The following SYT1 variants were observed in gnomAD, a reference collection of about 807,000 sequenced individuals.
SYT1 encodes synaptotagmin-1.
Under a neutral mutation model 44.8 loss-of-function variants are expected in SYT1, and 8 were observed. The observed-to-expected ratio is 0.18, with a 90% CI of 0.10 to 0.32. The LOEUF is 0.32. SYT1 is among the 10% of genes least tolerant of loss of function. The pLI, the probability that SYT1 is intolerant of heterozygous loss-of-function variation, is 1.00. For synonymous variants in SYT1, 154 were observed against 188.8 expected (o/e 0.82, Z 1.51); for missense variants, 286 against 509.3 (o/e 0.56, Z 4.22).
intron 9 of SYT1, among the ~76,000 whole-genome samples, chr12:79,390,263 T>TATTGA (rs1444861616): frequency 2.2e-4 from 33 of 152,330 alleles, no homozygotes; most frequent in Admixed American, 1.6e-3. Context: ...TACTGTGCTG[T>TATTGA]ATTGAATTAC....
chr12:79,108,798 G>A (rs1471433880), intron 3 of SYT1, among the ~76,000 whole-genome samples: 3 of 152,122 alleles, frequency 2.0e-5, no homozygotes, highest in Non-Finnish European at 4.4e-5. Flanking sequence ...TTATTTATGA[G>A]TACTGAACAT....
chr12:79,231,641 A>G (rs558177229), intron 4 of SYT1, among the ~76,000 whole-genome samples: 104 of 152,326 alleles, frequency 6.8e-4, no homozygotes, highest in African/African-American at 2.4e-3. Flanking sequence ...TGATTTAGTC[A>G]TATTGTTCAA....
intron 3 of SYT1, among the ~76,000 whole-genome samples, chr12:79,080,361 A>AT (rs1876948520): frequency 6.6e-6 from 1 of 152,136 alleles, no homozygotes; most frequent in South Asian, 2.1e-4. Context: ...TGAGCATTTC[A>AT]TTTTTTATCT....
At chr12:79,124,664 C>A (rs920400343) in intron 3 of SYT1, among the ~76,000 whole-genome samples, 5 of 151,784 alleles carry the variant, frequency 3.3e-5, no homozygotes, top group Admixed American at 3.3e-4. Context: ...CTGATACATT[C>A]TTAGATTCTT....
rs1252858757 is a variant in SYT1, at chr12:79,355,749, C to G, written c.928+2130C>G. Among the ~76,000 whole-genome samples, 3 of 152,168 alleles carry G rather than the reference C, an allele frequency of 2.0e-5. No individual in the cohort carries two copies. In the East Asian group the frequency reaches 5.8e-4, roughly 29 times the overall value. On this transcript the variant is annotated intron_variant, in intron 9 of 10. Transcript: ENST00000261205. ...TCTCTTCCTTCCAACAATGTCTAGCCAATTCCTACCCATTCTTTAGGCCCA... is the reference window on the plus strand; with the variant it reads ...TCTCTTCCTTCCAACAATGTCTAGCGAATTCCTACCCATTCTTTAGGCCCA...
At chr12:78,996,419 C>G (rs1052741831) in intron 2 of SYT1, among the ~76,000 whole-genome samples, 2 of 152,126 alleles carry the variant, frequency 1.3e-5, no homozygotes, top group African/African-American at 4.8e-5. Context: ...TATATTGAGA[C>G]AAAGTTAGAG....
At chr12:79,001,672 T>C (rs1374963026) in intron 2 of SYT1, among the ~76,000 whole-genome samples, 1 of 152,198 alleles carries the variant, frequency 6.6e-6, no homozygotes, top group Admixed American at 6.5e-5. Flanking sequence ...ATACTACCAA[T>C]TTATTTTCTG....
At chr12:79,018,191 G>T (rs1871936372) in intron 2 of SYT1, among the ~76,000 whole-genome samples, 1 of 151,808 alleles carries the variant, frequency 6.6e-6, no homozygotes, top group South Asian at 2.1e-4. Flanking sequence ...CATGTCCTTT[G>T]TAGGGACATG....
intron 3 of SYT1, among the ~76,000 whole-genome samples, chr12:79,157,811 A>G (rs1457773462): frequency 1.3e-5 from 2 of 152,164 alleles, no homozygotes; most frequent in Admixed American, 1.3e-4. Flanking sequence ...AATTCTCCCA[A>G]CAACTTTTCA....
chr12:79,200,724 G>T (rs1475916788), intron 3 of SYT1, among the ~76,000 whole-genome samples: 1 of 152,084 alleles, frequency 6.6e-6, no homozygotes, highest in Admixed American at 6.6e-5. Flanking sequence ...AAAGAGATTT[G>T]CCCAGTTTAG....
chr12:79,198,378 T>C (rs1460698194), intron 3 of SYT1, among the ~76,000 whole-genome samples: 1 of 152,214 alleles, frequency 6.6e-6, no homozygotes, highest in Non-Finnish European at 1.5e-5. Context: ...AATATTCTAA[T>C]TTCTGTTTTA....
At position 79,290,952 on chromosome 12, in the gene SYT1, A is replaced by G. The variant is rs182219884; in HGVS notation, c.352-1056A>G. 1.5e-3 allele frequency among the ~76,000 whole-genome samples: 236 copies of G among 152,330 alleles called. 2 individuals are homozygous for G. The highest frequency in any genetic ancestry group is 5.3e-3 in the African/African-American group (219 of 41,584). Reference sequence around the variant, plus strand: ...TTTTGTATTTTTTTAATTTTGAATAATGACTGTGTATAGATTTCTAATTAA... The same window carrying G: ...TTTTGTATTTTTTTAATTTTGAATAGTGACTGTGTATAGATTTCTAATTAA... On this transcript the variant is annotated intron_variant, in intron 5 of 10. Transcript: ENST00000261205.
At chr12:79,176,444 A>C (rs1243372179) in intron 3 of SYT1, among the ~76,000 whole-genome samples, 1 of 152,066 alleles carries the variant, frequency 6.6e-6, no homozygotes, top group Non-Finnish European at 1.5e-5. Flanking sequence ...CAATAGAAAC[A>C]CTTCACAGTT....
rs113080407 is a variant in SYT1, at chr12:78,938,281, G to T, written c.-216-39518G>T. 2.4e-3 allele frequency among the ~76,000 whole-genome samples: 370 copies of T among 152,210 alleles called. 1 individual carries two copies. Among genetic ancestry groups the T allele is most frequent in the African/African-American group, 8.5e-3 (355 of 41,552 alleles). Reference sequence around the variant, plus strand: ...TCTACCTGCAAACAGCCATCAGCGAGTAAGTCCAGATCATGCCAGTATTCA... The same window carrying T: ...TCTACCTGCAAACAGCCATCAGCGATTAAGTCCAGATCATGCCAGTATTCA... On this transcript the variant is annotated intron_variant, in intron 1 of 10. Coordinates refer to ENST00000261205, the MANE Select transcript of SYT1 (RefSeq NM_005639.3).
chr12:79,363,752 G>T (rs1415217519), intron 9 of SYT1, among the ~76,000 whole-genome samples: 1 of 150,618 alleles, frequency 6.6e-6, no homozygotes, highest in Non-Finnish European at 1.5e-5. Flanking sequence ...AAAAAAAATT[G>T]TACTTTATTA....
chr12:79,229,505 A>G (rs1056989813), intron 4 of SYT1, among the ~76,000 whole-genome samples: 2 of 152,182 alleles, frequency 1.3e-5, no homozygotes, highest in African/African-American at 4.8e-5. Context: ...CTGTGTGTGT[A>G]CTACCGTGTA....
At chr12:78,978,846 A>C (rs1350204257) in intron 2 of SYT1, among the ~76,000 whole-genome samples, 1 of 152,206 alleles carries the variant, frequency 6.6e-6, no homozygotes, top group Non-Finnish European at 1.5e-5. Context: ...GAAGTTTGCT[A>C]CAGTGGATCG....
intron 4 of SYT1, among the ~76,000 whole-genome samples, chr12:79,246,602 G>A (rs539953817): frequency 1.4e-4 from 22 of 152,250 alleles, no homozygotes; most frequent in Admixed American, 9.8e-4. Context: ...CTCCTCACAC[G>A]GTGGCAGGTG....
At chr12:79,026,664 AT>A (rs1309697584) in intron 2 of SYT1, among the ~76,000 whole-genome samples, 7 of 83,040 alleles carry the variant, frequency 8.4e-5, no homozygotes, top group South Asian at 4.6e-4. Context: ...ATACATATAT[AT>A]TTTATATATA....
Sources: allele counts gnomAD v4.1 joint callset (sites outside exome capture counted in the v4.1 genomes callset), GRCh38; gene constraint gnomAD v4.1.1; transcripts MANE v1.5; gene names NCBI Gene and HGNC (gene_info 2026-07-23, HGNC 2026-07-21).